Variants in GRIN2A observed in about 807,000 individuals in gnomAD.
The protein encoded by GRIN2A is glutamate receptor ionotropic, NMDA 2A.
In GRIN2A, 22 loss-of-function variants were observed where a neutral mutation model predicts 113.4. The observed-to-expected ratio is 0.19, with a 90% CI of 0.14 to 0.28. The LOEUF is 0.28. Ranked by LOEUF, GRIN2A falls within the 10% of genes least tolerant of loss-of-function variation. GRIN2A has a pLI of 1.00. For synonymous variants in GRIN2A, 827 were observed against 738.4 expected, an observed-to-expected ratio of 1.12 and a Z score of -1.94; for missense variants, 1,502 against 1,887.0, an observed-to-expected ratio of 0.80 and a Z score of 3.78.
chr16:9,840,993 C>T lies in GRIN2A; in HGVS notation c.1440G>A (p.Val480=), dbSNP rs1486301880. 6.2e-7 allele frequency: 1 copy of T among 1,613,834 alleles called. No homozygotes were observed. The highest frequency in any genetic ancestry group is 1.1e-5 in the South Asian group (1 of 91,074). ...TVKFTYDLYL[V]TNGKHGKKVN... ...CTTTCTTGCCATGCTTCCCATTGGT[C>T]ACCAGATAGAGGTCGTAAGTAAACT... Residue 480 remains valine, a synonymous_variant, in exon 6 of 13, where the codon GTG becomes GTA. Transcript: ENST00000330684.
intron 2 of GRIN2A, among the ~76,000 whole-genome samples, chr16:10,033,314 C>A (rs901348304): frequency 6.6e-6 from 1 of 152,108 alleles, no homozygotes; most frequent in African/African-American, 2.4e-5. Context: ...GTATGATGGG[C>A]CTGTGTTACC....
At chr16:10,170,446 T>C (rs1161346037) in intron 2 of GRIN2A, among the ~76,000 whole-genome samples, 3 of 152,212 alleles carry the variant, frequency 2.0e-5, no homozygotes, top group Admixed American at 6.5e-5. Flanking sequence ...AATACAAAAA[T>C]ATATTGTATA....
intron 2 of GRIN2A, among the ~76,000 whole-genome samples, chr16:10,130,511 G>A (rs1163078837): frequency 1.3e-5 from 2 of 152,078 alleles, no homozygotes; most frequent in African/African-American, 4.8e-5. Context: ...ATGGAGCTCC[G>A]GACACAGACC....
chr16:10,148,574 G>A (rs1287385253), intron 2 of GRIN2A, among the ~76,000 whole-genome samples: 1 of 152,084 alleles, frequency 6.6e-6, no homozygotes, highest in Admixed American at 6.5e-5. Flanking sequence ...TTGCTGACAT[G>A]GCCAGAGCAG....
At chr16:10,129,490 T>C (rs2049018725) in intron 2 of GRIN2A, among the ~76,000 whole-genome samples, 1 of 152,154 alleles carries the variant, frequency 6.6e-6, no homozygotes, top group South Asian at 2.1e-4. Context: ...TGGATGATCA[T>C]GAACAGCCTG....
chr16:9,940,866 T>C (rs1160690411), intron 2 of GRIN2A, among the ~76,000 whole-genome samples: 1 of 152,128 alleles, frequency 6.6e-6, no homozygotes, highest in African/African-American at 2.4e-5. Context: ...ACTTCATTAA[T>C]GCCAAAATAG....
intron 3 of GRIN2A, among the ~76,000 whole-genome samples, chr16:9,894,970 C>T (rs35018449): frequency 0.15 from 23,124 of 152,110 alleles, 2,421 homozygotes; most frequent in Middle Eastern, 0.29. Flanking sequence ...TCCATCTATC[C>T]GTCAATACAT....
intron 2 of GRIN2A, among the ~76,000 whole-genome samples, chr16:10,090,607 C>G (rs941329228): frequency 5.3e-5 from 8 of 151,856 alleles, no homozygotes; most frequent in Admixed American, 2.6e-4. Flanking sequence ...AGAAAACCAT[C>G]ATGTCCTTGG....
intron 9 of GRIN2A, among the ~76,000 whole-genome samples, chr16:9,823,509 T>G (rs1443860788): frequency 1.3e-5 from 2 of 152,160 alleles, no homozygotes; most frequent in Non-Finnish European, 2.9e-5. Flanking sequence ...GTTATTATCA[T>G]TATGAGTGAA....
chr16:9,882,878 C>T (rs546034484), intron 4 of GRIN2A, among the ~76,000 whole-genome samples: 1 of 152,180 alleles, frequency 6.6e-6, no homozygotes, highest in South Asian at 2.1e-4. Context: ...TCAATTGCAT[C>T]CAGTGAGAGG....
intron 2 of GRIN2A, among the ~76,000 whole-genome samples, chr16:9,967,628 C>T (rs897576030): frequency 1.3e-5 from 2 of 152,114 alleles, no homozygotes; most frequent in South Asian, 2.1e-4. Flanking sequence ...ATCGCTTGAA[C>T]CTGGAAGGTG....
At chr16:10,179,615 T>G in intron 2 of GRIN2A, 1 of 249,496 alleles carries the variant, frequency 4.0e-6, no homozygotes, top group Non-Finnish European at 7.8e-6. Context: ...AAAACTGGCA[T>G]TGTGAAAATA....
chr16:10,051,213 C>T (rs1157252899), intron 2 of GRIN2A, among the ~76,000 whole-genome samples: 2 of 152,164 alleles, frequency 1.3e-5, no homozygotes, highest in Non-Finnish European at 2.9e-5. Context: ...ATGACTATTC[C>T]ACCCTGCAAT....
chr16:9,940,486 G>A lies in GRIN2A; in HGVS notation c.415-1935C>T, dbSNP rs535417054. Among the ~76,000 whole-genome samples the A allele has an allele frequency of 6.6e-5, 10 of 152,222 alleles. No individual in the cohort carries two copies. In the East Asian group the frequency reaches 1.9e-3, roughly 29 times the overall value. On this transcript the variant is annotated intron_variant, in intron 2 of 12. Transcript: ENST00000330684. ...ACCATTTTAAATCACATCTCAACAA[G>A]ACTGTGAGCTCCTCAAGGGCAGAGA...
intron 2 of GRIN2A, among the ~76,000 whole-genome samples, chr16:10,134,248 T>C (rs2049140397): frequency 6.6e-6 from 1 of 150,378 alleles, no homozygotes. Context: ...AGGCAAACAT[T>C]AGGCTTCAAA....
At chr16:10,165,934 C>A (rs974224040) in intron 2 of GRIN2A, among the ~76,000 whole-genome samples, 2 of 152,120 alleles carry the variant, frequency 1.3e-5, no homozygotes, top group Non-Finnish European at 2.9e-5. Context: ...CCAAGGCCTG[C>A]CATTTTCAAA....
At chr16:10,171,380 C>T (rs2050037890) in intron 2 of GRIN2A, 1 of 152,210 alleles carries the variant, frequency 6.6e-6, no homozygotes. Context: ...TATATGTCCA[C>T]ACTCTAAATC....
chr16:9,983,361 T>C (rs1468536679), intron 2 of GRIN2A, among the ~76,000 whole-genome samples: 4 of 152,208 alleles, frequency 2.6e-5, no homozygotes, highest in Non-Finnish European at 5.9e-5. Flanking sequence ...TTTGGTTTTT[T>C]GTGCCTGGCT....
intron 2 of GRIN2A, among the ~76,000 whole-genome samples, chr16:9,998,442 T>A (rs545354123): frequency 1.8e-4 from 27 of 152,276 alleles, no homozygotes; most frequent in African/African-American, 6.5e-4. Flanking sequence ...TCATTTGGAG[T>A]CATGAAAATG....
Sources: gnomAD v4.1 joint callset for allele counts (sites outside exome capture counted in the v4.1 genomes callset) on GRCh38, gnomAD v4.1.1 for gene constraint, MANE v1.5 for transcripts, NCBI Gene and HGNC (gene_info 2026-07-23, HGNC 2026-07-21) for gene names.